NRG1: variants seen among roughly 807,000 people sequenced by gnomAD.
NRG1 encodes pro-neuregulin-1, membrane-bound isoform.
Under a neutral mutation model 63.8 loss-of-function variants are expected in NRG1, and 18 were observed. The observed-to-expected ratio is 0.28, with a 90% CI of 0.19 to 0.42. The LOEUF (loss-of-function observed/expected upper bound fraction) is 0.42, where lower values mean the gene tolerates loss of function less well. NRG1 is among the 10% of genes least tolerant of loss of function. The pLI, the probability that NRG1 is intolerant of heterozygous loss-of-function variation, is 1.00. For missense variants in NRG1, 762 were observed against 814.7 expected, an observed-to-expected ratio of 0.94 and a Z score of 0.79; for synonymous variants, 302 against 301.3, an observed-to-expected ratio of 1.00 and a Z score of -0.02.
At chr8:32,444,951 T>C (rs1236844183) in intron 1 of NRG1, among the ~76,000 whole-genome samples, 1 of 152,220 alleles carries the variant, frequency 6.6e-6, no homozygotes, top group Non-Finnish European at 1.5e-5. Context: ...CAAAACAGTA[T>C]TTCCTAGCTG....
At chr8:31,726,567 TG>T (rs759372175) in intron 1 of NRG1, among the ~76,000 whole-genome samples, 18 of 152,300 alleles carry the variant, frequency 1.2e-4, no homozygotes, top group Non-Finnish European at 1.9e-4. Context: ...GGTCAAGTTT[TG>T]CAATACAGAA....
At chr8:32,308,474 A>C (rs769769576) in intron 1 of NRG1, among the ~76,000 whole-genome samples, 2 of 152,176 alleles carry the variant, frequency 1.3e-5, no homozygotes, top group Non-Finnish European at 2.9e-5. Flanking sequence ...ACTCATTGTT[A>C]TGTCTTTGTA....
chr8:31,832,936 G>A (rs1825309243), intron 1 of NRG1, among the ~76,000 whole-genome samples: 1 of 150,994 alleles, frequency 6.6e-6, no homozygotes, highest in Non-Finnish European at 1.5e-5. Flanking sequence ...ATCTGAACCT[G>A]AGAACTGTCT....
intron 1 of NRG1, among the ~76,000 whole-genome samples, chr8:31,756,318 A>C (rs1323831731): frequency 6.6e-6 from 1 of 152,078 alleles, no homozygotes; most frequent in Non-Finnish European, 1.5e-5. Context: ...TGATTATGAG[A>C]TTTTTCCCAG....
chr8:32,396,034 T>C (rs912161144), intron 1 of NRG1, among the ~76,000 whole-genome samples: 1 of 152,180 alleles, frequency 6.6e-6, no homozygotes, highest in Non-Finnish European at 1.5e-5. Flanking sequence ...ATAAATTGAC[T>C]ATGTGTAAGT....
At chr8:31,971,113 T>A (rs327376) in intron 1 of NRG1, among the ~76,000 whole-genome samples, 129,084 of 152,034 alleles carry the variant, frequency 0.85, 55,686 homozygotes, top group African/African-American at 0.96. Flanking sequence ...TATGTTGCTT[T>A]TTTTTTTTCT....
intron 1 of NRG1, chr8:32,256,757 G>A (rs1586435979): frequency 6.6e-6 from 1 of 152,372 alleles, no homozygotes; most frequent in South Asian, 2.1e-4. Context: ...CGAGAGGGAT[G>A]GGGATCAGGG....
At chr8:32,039,407 A>G (rs1469583386) in intron 1 of NRG1, among the ~76,000 whole-genome samples, 2 of 152,178 alleles carry the variant, frequency 1.3e-5, no homozygotes, top group African/African-American at 2.4e-5. Flanking sequence ...AAAAATCACT[A>G]GGTATGTTTG....
chr8:32,645,441 T>C (rs1422449730), intron 5 of NRG1, among the ~76,000 whole-genome samples: 1 of 152,226 alleles, frequency 6.6e-6, no homozygotes, highest in African/African-American at 2.4e-5. Context: ...TTGTTAGTTA[T>C]AGTACTGCAA....
chr8:31,898,388 C>T (rs1419577399), intron 1 of NRG1, among the ~76,000 whole-genome samples: 2 of 152,152 alleles, frequency 1.3e-5, no homozygotes, highest in African/African-American at 4.8e-5. Context: ...ATTCCCATGA[C>T]ATAACTATAG....
At position 32,299,903 on chromosome 8, in the gene NRG1, G is replaced by C. The variant is rs935207381; in HGVS notation, c.38-295925G>C. 6.6e-5 allele frequency among the ~76,000 whole-genome samples: 10 copies of C among 152,282 alleles called. No homozygotes were observed. In the East Asian group the frequency reaches 1.9e-3, roughly 29 times the overall value. On this transcript the variant is annotated intron_variant, in intron 1 of 10. Transcript: ENST00000519301. ...AGCTGGAATTAGAGATGAGATTTGG[G>C]TGGGGAAACAGCCAAACCATATCAC... is the stretch of plus-strand genomic sequence containing the variant.
rs1052000423 is a variant in NRG1 at position 32,739,223 on chromosome 8, G to A, written c.633-3452G>A. The stretch of plus-strand genomic sequence containing the variant: ...CTTTTCCCAGTTCAGGGCACCTTAC[G>A]TCTTGAACTTTAATCTACATCCACA... On this transcript the variant is annotated intron_variant, in intron 6 of 11. Coordinates refer to ENST00000356819, the Ensembl canonical transcript of NRG1. 1.7e-4 allele frequency among the ~76,000 whole-genome samples: 26 copies of A among 152,224 alleles called. 1 individual carries two copies. In the South Asian group the frequency reaches 2.9e-3, roughly 17 times the overall value.
chr8:32,043,746 A>G (rs1820467134), intron 1 of NRG1, among the ~76,000 whole-genome samples: 1 of 151,958 alleles, frequency 6.6e-6, no homozygotes, highest in Non-Finnish European at 1.5e-5. Context: ...AAAATTAAGC[A>G]TGTATATAGC....
chr8:31,776,062 G>C (rs1189350628), intron 1 of NRG1, among the ~76,000 whole-genome samples: 1 of 152,108 alleles, frequency 6.6e-6, no homozygotes, highest in Non-Finnish European at 1.5e-5. Flanking sequence ...CTGCCAGAAA[G>C]TGATTTAGTC....
chr8:32,226,095 G>T (rs540612201), intron 1 of NRG1, among the ~76,000 whole-genome samples: 1 of 152,120 alleles, frequency 6.6e-6, no homozygotes, highest in Non-Finnish European at 1.5e-5. Flanking sequence ...ATTCCTTACT[G>T]TTTCCGGTAG....
rs527326164 is a variant in NRG1, at chr8:32,565,791, C to G, written c.100+16965C>G. Among the ~76,000 whole-genome samples, 3 of 152,202 alleles carry G rather than the reference C, an allele frequency of 2.0e-5. 1 individual carries two copies. The highest frequency in any genetic ancestry group is 7.2e-5 in the African/African-American group (3 of 41,538). On this transcript the variant is annotated intron_variant, in intron 1 of 11. Transcript: ENST00000356819. ...GTGGTAATTTCAGTTTGTGTTGGTTCTCACTCTCTATGCCTTGGTTCCTTC... is the reference window on the plus strand; with the variant it reads ...GTGGTAATTTCAGTTTGTGTTGGTTGTCACTCTCTATGCCTTGGTTCCTTC...
At chr8:31,852,238 G>C (rs1208251078) in intron 1 of NRG1, among the ~76,000 whole-genome samples, 4 of 152,014 alleles carry the variant, frequency 2.6e-5, no homozygotes, top group Non-Finnish European at 4.4e-5. Context: ...GTGTAAAATT[G>C]TTCCTATTTC....
rs375132665 is a variant in NRG1, at chr8:32,399,003, AT to A, written c.38-196821del. ...ATCTTTGCTTAAAATAACCTCATTTATTTTGTACGAATGTACAAAAATAAAA... is the reference window on the plus strand; with the variant it reads ...ATCTTTGCTTAAAATAACCTCATTTATTTGTACGAATGTACAAAAATAAAA... On this transcript the variant is annotated intron_variant, in intron 1 of 10. Coordinates refer to the NRG1 transcript ENST00000519301. Among the ~76,000 whole-genome samples, 99 of 152,286 alleles carry A rather than the reference AT, an allele frequency of 6.5e-4. 1 individual carries two copies. Among genetic ancestry groups the A allele is most frequent in the Middle Eastern group, 6.8e-3 (2 of 294 alleles).
intron 1 of NRG1, among the ~76,000 whole-genome samples, chr8:31,860,683 G>A (rs572919737): frequency 6.6e-6 from 1 of 152,236 alleles, no homozygotes; most frequent in African/African-American, 2.4e-5. Context: ...TGATTATTTG[G>A]CGTGTTTGAA....
Sources: allele counts gnomAD v4.1 joint callset (sites outside exome capture counted in the v4.1 genomes callset), GRCh38; gene constraint gnomAD v4.1.1; transcripts MANE v1.5; gene names NCBI Gene and HGNC (gene_info 2026-07-23, HGNC 2026-07-21).